The following KCNQ5 variants were observed in gnomAD, a reference collection of about 807,000 sequenced individuals.
KCNQ5 encodes the protein potassium voltage-gated channel subfamily KQT member 5.
A neutral mutation model predicts 98.2 loss-of-function variants in KCNQ5; 30 were observed. The observed-to-expected ratio is 0.31, with a 90% CI of 0.23 to 0.41. The LOEUF is 0.41. Among genes scored for constraint, KCNQ5 ranks in the 10% least tolerant of loss-of-function variants. KCNQ5 has a pLI of 1.00. For missense variants in KCNQ5, 835 were observed against 1,182.5 expected, an observed-to-expected ratio of 0.71 and a Z score of 4.31; for synonymous variants, 458 against 449.4, an observed-to-expected ratio of 1.02 and a Z score of -0.24.
At chr6:72,915,752 T>A (rs1582009816) in intron 1 of KCNQ5, among the ~76,000 whole-genome samples, 1 of 152,042 alleles carries the variant, frequency 6.6e-6, no homozygotes, top group East Asian at 1.9e-4. Flanking sequence ...AAAAAAAAAA[T>A]TTCCAACCAA....
chr6:73,132,514 CG>C (rs1776278784), intron 9 of KCNQ5, among the ~76,000 whole-genome samples: 1 of 152,194 alleles, frequency 6.6e-6, no homozygotes, highest in Non-Finnish European at 1.5e-5. Context: ...CCCTAGCCCC[CG>C]TGTGTCTGAT....
chr6:72,934,353 G>A (rs554533762), intron 1 of KCNQ5, among the ~76,000 whole-genome samples: 9 of 151,972 alleles, frequency 5.9e-5, no homozygotes, highest in African/African-American at 2.2e-4. Flanking sequence ...TGTTGATGAC[G>A]GTGGTGGTGG....
chr6:72,937,737 T>C (rs1446786697), intron 1 of KCNQ5, among the ~76,000 whole-genome samples: 1 of 152,210 alleles, frequency 6.6e-6, no homozygotes, highest in Non-Finnish European at 1.5e-5. Context: ...TTCTCTGTTA[T>C]TATGCATGTG....
In KCNQ5 at chr6:73,194,560, T is replaced by C; in HGVS notation, c.1945T>C (p.Phe649Leu). 6.2e-7 allele frequency: 1 copy of C among 1,614,200 alleles called. No individual in the cohort carries two copies. The highest frequency in any genetic ancestry group is 8.5e-7 in the Non-Finnish European group (1 of 1,180,034). The stretch of plus-strand genomic sequence containing the variant: ...TTTGGCTTCATTCCAGATCCCACCT[T>C]TTGAATGTGAACAGACATCTGACTA... ...LALASFQIPP[F>L]ECEQTSDYQS... Residue 649 changes from phenylalanine to leucine, a missense_variant, in exon 14 of 14, where the codon TTT (phenylalanine) becomes CTT (leucine). Phe to Leu is a conservative substitution (Grantham distance 22). Transcript: ENST00000370398.
chr6:73,003,643 A>G (rs749990750), intron 1 of KCNQ5, among the ~76,000 whole-genome samples: 2 of 152,144 alleles, frequency 1.3e-5, no homozygotes, highest in Non-Finnish European at 2.9e-5. Context: ...AAACTCTTAG[A>G]TGCTAACATT....
At chr6:73,003,198 A>G (rs1276759170) in intron 1 of KCNQ5, among the ~76,000 whole-genome samples, 1 of 152,156 alleles carries the variant, frequency 6.6e-6, no homozygotes. Context: ...GAATAAAAAT[A>G]TCTGTAGATT....
intron 1 of KCNQ5, among the ~76,000 whole-genome samples, chr6:72,713,148 T>C (rs1769455433): frequency 6.6e-6 from 1 of 152,170 alleles, no homozygotes; most frequent in African/African-American, 2.4e-5. Context: ...AATATCAGGT[T>C]ACACATTTGA....
chr6:73,105,080 T>C (rs112079341), intron 5 of KCNQ5, among the ~76,000 whole-genome samples, 177 bp from the exon 6 acceptor site: 13 of 152,328 alleles, frequency 8.5e-5, no homozygotes, highest in African/African-American at 1.7e-4. Flanking sequence ...GTTATTCCTT[T>C]CCTTAAACAA....
At chr6:73,114,637 C>T (rs779745320) in intron 7 of KCNQ5, among the ~76,000 whole-genome samples, 5 of 152,142 alleles carry the variant, frequency 3.3e-5, no homozygotes, top group Non-Finnish European at 7.4e-5. Context: ...CAGGGTGCTT[C>T]TAATACATTA....
At chr6:73,155,936 C>T (rs1263373172) in intron 10 of KCNQ5, among the ~76,000 whole-genome samples, 1 of 152,148 alleles carries the variant, frequency 6.6e-6, no homozygotes, top group Non-Finnish European at 1.5e-5. Flanking sequence ...CCTAGTTTGT[C>T]TCTTGGTTAC....
chr6:72,779,120 G>A (rs528560191), intron 1 of KCNQ5, among the ~76,000 whole-genome samples: 3 of 152,302 alleles, frequency 2.0e-5, no homozygotes, highest in South Asian at 2.1e-4. Context: ...GAGCAGAGCC[G>A]TGGGAGACTC....
intron 1 of KCNQ5, among the ~76,000 whole-genome samples, chr6:72,726,954 GCTTA>G (rs920930940): frequency 2.6e-5 from 4 of 152,164 alleles, no homozygotes; most frequent in Admixed American, 2.6e-4. Flanking sequence ...CAATCTTGAG[GCTTA>G]CTTATTAAAG....
intron 1 of KCNQ5, among the ~76,000 whole-genome samples, chr6:72,830,922 A>G (rs921684948): frequency 6.6e-6 from 1 of 152,222 alleles, no homozygotes; most frequent in Non-Finnish European, 1.5e-5. Flanking sequence ...TGGGCAAAAG[A>G]TATGAACAGA....
chr6:72,839,657 ATTTAT>A (rs774471030), intron 1 of KCNQ5, among the ~76,000 whole-genome samples: 2 of 152,052 alleles, frequency 1.3e-5, no homozygotes, highest in African/African-American at 4.8e-5. Context: ...TTTGTTTTTT[ATTTAT>A]TTTAAGTTTT....
chr6:72,937,647 C>T (rs1766008287), intron 1 of KCNQ5, among the ~76,000 whole-genome samples: 1 of 152,102 alleles, frequency 6.6e-6, no homozygotes, highest in African/African-American at 2.4e-5. Context: ...AACAATCAGC[C>T]ACACAAAGAA....
At chr6:73,028,042 C>T (rs1770968998) in intron 2 of KCNQ5, among the ~76,000 whole-genome samples, 1 of 152,112 alleles carries the variant, frequency 6.6e-6, no homozygotes, top group African/African-American at 2.4e-5. Flanking sequence ...AAAATTCTTG[C>T]CTTAATACAA....
At chr6:72,905,637 G>T (rs527736178) in intron 1 of KCNQ5, among the ~76,000 whole-genome samples, 1 of 152,222 alleles carries the variant, frequency 6.6e-6, no homozygotes, top group Non-Finnish European at 1.5e-5. Context: ...TGTAGTGATT[G>T]TTATCTCTCT....
intron 1 of KCNQ5, among the ~76,000 whole-genome samples, chr6:72,767,915 ACAGT>A (rs1282789385): frequency 6.6e-6 from 1 of 152,016 alleles, no homozygotes; most frequent in Non-Finnish European, 1.5e-5. Flanking sequence ...ATTTTGGAAA[ACAGT>A]CAAACAGACT....
At chr6:72,750,243 A>G (rs1267643721) in intron 1 of KCNQ5, among the ~76,000 whole-genome samples, 1 of 152,100 alleles carries the variant, frequency 6.6e-6, no homozygotes, top group East Asian at 1.9e-4. Context: ...AACTCTATCC[A>G]GAGTGAAAGA....
Sources: allele counts gnomAD v4.1 joint callset (sites outside exome capture counted in the v4.1 genomes callset), GRCh38; gene constraint gnomAD v4.1.1; transcripts MANE v1.5; gene names NCBI Gene and HGNC (gene_info 2026-07-23, HGNC 2026-07-21).